ACSF2: variants seen among roughly 807,000 people sequenced by gnomAD.
The protein encoded by ACSF2 is acyl-CoA synthetase family member 2, also known as medium-chain acyl-CoA ligase ACSF2, mitochondrial.
A neutral mutation model predicts 79.3 loss-of-function variants in ACSF2; 52 were observed. That is an observed-to-expected ratio of 0.66 (90% CI 0.53 to 0.83). The LOEUF is 0.83. Among genes scored for constraint, ACSF2 ranks in the 40% least tolerant of loss-of-function variants. The probability of loss-of-function intolerance (pLI) is 0.00; values close to 1 mark genes in which losing one functional copy is unlikely to be tolerated. For synonymous variants in ACSF2, 283 were observed against 312.6 expected (o/e 0.91, Z 1.00); for missense variants, 661 against 803.3 (o/e 0.82, Z 2.14).
At chr17:50,441,643 A>G (rs1229340845) in intron 1 of ACSF2, among the ~76,000 whole-genome samples, 1 of 152,114 alleles carries the variant, frequency 6.6e-6, no homozygotes, top group African/African-American at 2.4e-5. Context: ...CATCTGTAAA[A>G]TGGGTATGTA....
intron 1 of ACSF2, among the ~76,000 whole-genome samples, chr17:50,428,076 C>A (rs1915166197): frequency 6.6e-6 from 1 of 152,202 alleles, no homozygotes; most frequent in Non-Finnish European, 1.5e-5. Flanking sequence ...GTAATCTCAG[C>A]ACTTTGGAAA....
At chr17:50,467,331 T>C (rs142638522) in intron 10 of ACSF2, among the ~76,000 whole-genome samples, 2 of 152,182 alleles carry the variant, frequency 1.3e-5, no homozygotes, top group Non-Finnish European at 2.9e-5. Flanking sequence ...GGGCCAAGGA[T>C]TGACAATAGT....
At chr17:50,428,151 T>A (rs1309937180) in intron 1 of ACSF2, among the ~76,000 whole-genome samples, 2 of 152,096 alleles carry the variant, frequency 1.3e-5, no homozygotes, top group African/African-American at 4.8e-5. Context: ...ATCATGCCAC[T>A]GCACTCTAGC....
chr17:50,463,339 G>C lies in ACSF2; in HGVS notation c.889-56G>C, dbSNP rs1201045580. 17 of 1,610,780 alleles carry C rather than the reference G, an allele frequency of 1.1e-5. No individual in the cohort carries two copies. Among genetic ancestry groups the C allele is most frequent in the African/African-American group, 1.3e-5 (1 of 74,910 alleles). The stretch of plus-strand genomic sequence containing the variant: ...CTGGCTGGGCTCCCCTTGCCAGCTA[G>C]AGAGGAACTGGCGTCTGGCTCCAAG... On this transcript the variant is annotated intron_variant, in intron 7 of 15. Transcript: ENST00000300441. The surrounding 1 kb of genome is among the most constrained non-coding windows in gnomAD (Gnocchi z 4.6).
intron 1 of ACSF2, among the ~76,000 whole-genome samples, chr17:50,441,056 G>A (rs2030873397): frequency 6.6e-6 from 1 of 152,272 alleles, no homozygotes. Context: ...GGCCCCCAGG[G>A]CAGGATGTGG....
chr17:50,463,153 C>T lies in ACSF2; in HGVS notation c.793-3C>T. 1.2e-5 allele frequency: 19 copies of T among 1,613,474 alleles called. No individual in the cohort carries two copies. Among genetic ancestry groups the T allele is most frequent in the Non-Finnish European group, 1.5e-5 (18 of 1,179,596 alleles). On this transcript the variant is annotated splice_polypyrimidine_tract_variant and splice_region_variant and intron_variant, in intron 6 of 15. Transcript: ENST00000300441. This position sits in a 1 kb window ranked among gnomAD's most constrained non-coding sequence, Gnocchi z 4.6. Reference sequence around the variant, plus strand: ...CCAAGCCATGCCCTGTTTGCCTTGTCAGGGGACAACAGGCAGCCCCAAGGG... The same window carrying T: ...CCAAGCCATGCCCTGTTTGCCTTGTTAGGGGACAACAGGCAGCCCCAAGGG...
chr17:50,461,166 A>G, intron 2 of ACSF2, 76 bp from the exon 3 acceptor site: 1 of 1,601,022 alleles, frequency 6.2e-7, no homozygotes, highest in Non-Finnish European at 8.5e-7. Flanking sequence ...ACTCCGGGCT[A>G]AGGGCTGAGG....
intron 10 of ACSF2, chr17:50,468,665 G>T: frequency 6.2e-7 from 1 of 1,614,174 alleles, no homozygotes; most frequent in Non-Finnish European, 8.5e-7. Flanking sequence ...GGTCTTCTCT[G>T]ACACCTTGGG....
At position 50,463,351 on chromosome 17, in the gene ACSF2, C is replaced by T. The variant is rs370088111; in HGVS notation, c.889-44C>T. 55 of 1,610,466 alleles carry T rather than the reference C, an allele frequency of 3.4e-5. No homozygotes were observed. Among genetic ancestry groups the T allele is most frequent in the African/African-American group, 2.3e-4 (17 of 75,010 alleles). ...CCCTTGCCAGCTAGAGAGGAACTGG[C>T]GTCTGGCTCCAAGACAGACCCAGCC... On this transcript the variant is annotated intron_variant, in intron 7 of 15. Coordinates refer to ENST00000300441, the MANE Select transcript of ACSF2 (RefSeq NM_025149.6). This position sits in a 1 kb window ranked among gnomAD's most constrained non-coding sequence, Gnocchi z 4.6.
chr17:50,474,564 G>C lies in ACSF2; in HGVS notation c.*12G>C. ...ATCTAAATCTGTGAATAAAGCAGCAGGCCTGTCCTGGCCGGTTGGCTTGAC... is the reference window on the plus strand; with the variant it reads ...ATCTAAATCTGTGAATAAAGCAGCACGCCTGTCCTGGCCGGTTGGCTTGAC... On this transcript the variant is annotated 3_prime_UTR_variant, in exon 16 of 16. Coordinates refer to ENST00000300441, the MANE Select transcript of ACSF2 (RefSeq NM_025149.6). The surrounding 1 kb of genome is among the most constrained non-coding windows in gnomAD (Gnocchi z 4.2). 6.2e-7 allele frequency: 1 copy of C among 1,613,920 alleles called. No homozygotes were observed. Among genetic ancestry groups the C allele is most frequent in the South Asian group, 1.1e-5 (1 of 91,072 alleles).
At chr17:50,473,552 A>T in intron 12 of ACSF2, 113 bp from the exon 13 acceptor site, 1 of 1,421,032 alleles carries the variant, frequency 7.0e-7, no homozygotes, top group Non-Finnish European at 9.7e-7. Context: ...TGTCTCCCAG[A>T]GTCTAGAGCA....
intron 1 of ACSF2, among the ~76,000 whole-genome samples, chr17:50,449,925 C>T (rs577018731): frequency 1.7e-4 from 26 of 152,238 alleles, no homozygotes; most frequent in African/African-American, 5.8e-4. Context: ...CCATTGCCCC[C>T]TCCTCAGCCC....
chr17:50,468,936 C>A, intron 10 of ACSF2: 1 of 1,404,888 alleles, frequency 7.1e-7, no homozygotes, highest in Non-Finnish European at 9.2e-7. Context: ...AGCCGGCAGC[C>A]GAGCCAGCTC....
chr17:50,461,665 A>G lies in ACSF2; in HGVS notation c.486A>G (p.Glu162=), dbSNP rs2032334872. The G allele has an allele frequency of 1.2e-6, 2 of 1,613,978 alleles. No individual in the cohort carries two copies. Among genetic ancestry groups the G allele is most frequent in the African/African-American group, 2.7e-5 (2 of 74,908 alleles). Residue 162 remains glutamate, a synonymous_variant, in exon 4 of 16, where the codon GAA becomes GAG. Coordinates refer to ENST00000300441, the MANE Select transcript of ACSF2 (RefSeq NM_025149.6). ...TGAACCCAGCCTACCAGGCTATGGA[A>G]CTGGAGTATGTCCTCAAGAAGGTAC... is the stretch of plus-strand genomic sequence containing the variant. ...VSVNPAYQAM[E]LEYVLKKVGC...
chr17:50,446,415 G>A (rs1175581376), intron 1 of ACSF2, among the ~76,000 whole-genome samples: 1 of 152,056 alleles, frequency 6.6e-6, no homozygotes, highest in South Asian at 2.1e-4. Context: ...ATGCCACCAT[G>A]CCTGGTTAAT....
At chr17:50,426,668 G>T (rs902943161) in intron 1 of ACSF2, among the ~76,000 whole-genome samples, 1 of 152,226 alleles carries the variant, frequency 6.6e-6, no homozygotes, top group East Asian at 1.9e-4. Flanking sequence ...AGGGCAAGGA[G>T]TGTGGGCTTT....
chr17:50,430,037 GAGGCAGCTGCATCC>G (rs1179642672), intron 1 of ACSF2, among the ~76,000 whole-genome samples: 1 of 152,238 alleles, frequency 6.6e-6, no homozygotes, highest in Admixed American at 6.5e-5. Context: ...GGCTGCCTAT[GAGGCAGCTGCATCC>G]AGGGTGTTGA....
Position 50,439,232 on chromosome 17 carries a change from CT to C in ACSF2, c.128+12870del, listed in dbSNP as rs754203020. Among the ~76,000 whole-genome samples the C allele has an allele frequency of 1.1e-3, 103 of 96,462 alleles. 1 individual carries two copies. The highest frequency in any genetic ancestry group is 2.2e-3 in the African/African-American group (46 of 21,330). The allele number at this position is 96,462 out of a possible 152,430, so 63.3% of individuals were successfully genotyped here. A position where few individuals can be genotyped will look rare whatever the true frequency, so the allele number is the denominator to read the frequency against. Reference sequence around the variant, plus strand: ...ACGACAGGTGCATGCTACCACACAGCTTTTTTTTTTTTTTTTTTTTTTTTTT... The same window carrying C: ...ACGACAGGTGCATGCTACCACACAGCTTTTTTTTTTTTTTTTTTTTTTTTT... On this transcript the variant is annotated intron_variant, in intron 1 of 15. Transcript: ENST00000300441.
intron 2 of ACSF2, 132 bp from the exon 3 acceptor site, chr17:50,461,110 G>A: frequency 2.1e-6 from 3 of 1,417,500 alleles, no homozygotes; most frequent in African/African-American, 1.4e-5. Context: ...GACCCACTGA[G>A]GCTGGGAATC....
Sources: gnomAD v4.1 joint callset for allele counts (sites outside exome capture counted in the v4.1 genomes callset) on GRCh38, gnomAD v4.1.1 for gene constraint, Gnocchi (gnomAD v3.1) non-coding constraint, MANE v1.5 for transcripts, NCBI Gene and HGNC (gene_info 2026-07-23, HGNC 2026-07-21) for gene names.